ARHGEF4: variants seen among roughly 807,000 people sequenced by gnomAD.
ARHGEF4 encodes the protein APC-stimulated guanine nucleotide exchange factor 1.
A neutral mutation model predicts 162.0 loss-of-function variants in ARHGEF4; 119 were observed. That is an observed-to-expected ratio of 0.73 (90% confidence interval 0.63 to 0.86). The LOEUF is 0.86. Among genes scored for constraint, ARHGEF4 ranks in the 40% least tolerant of loss-of-function variants. The pLI is 0.00. For synonymous variants in ARHGEF4, 1,014 were observed against 979.9 expected, an observed-to-expected ratio of 1.03 and a Z score of -0.65; for missense variants, 2,488 against 2,456.0, an observed-to-expected ratio of 1.01 and a Z score of -0.28.
chr2:130,941,467 G>A (rs1683292430), intron 3 of ARHGEF4, among the ~76,000 whole-genome samples: 1 of 152,078 alleles, frequency 6.6e-6, no homozygotes, highest in African/African-American at 2.4e-5. Context: ...GCCTCCAAAA[G>A]TTCTAGGATT....
intron 4 of ARHGEF4, among the ~76,000 whole-genome samples, chr2:130,999,935 C>T (rs556401055): frequency 5.3e-5 from 8 of 152,336 alleles, no homozygotes; most frequent in Admixed American, 4.6e-4. Context: ...TGGTCTTGAA[C>T]TCTTGACCTC....
chr2:130,952,214 A>C (rs1027817946), intron 4 of ARHGEF4, among the ~76,000 whole-genome samples: 3 of 152,202 alleles, frequency 2.0e-5, no homozygotes, highest in Non-Finnish European at 4.4e-5. Context: ...GTCTACTAGC[A>C]ACAAATTTTC....
At chr2:130,964,391 A>G (rs561714076) in intron 4 of ARHGEF4, 3 of 320,864 alleles carry the variant, frequency 9.3e-6, no homozygotes, top group African/African-American at 7.1e-5. Context: ...CTTCCTTCCC[A>G]TTGCTTCGCC....
At chr2:130,946,792 T>C in intron 4 of ARHGEF4, 157 bp downstream of exon 4, 1 of 1,014,040 alleles carries the variant, frequency 9.9e-7, no homozygotes, top group East Asian at 2.8e-5. Flanking sequence ...TAGGGAGGAG[T>C]GCCTACTACC....
At chr2:131,041,187 G>A (rs778428125) in intron 8 of ARHGEF4, 43 bp from the exon 9 acceptor site, 2 of 1,563,648 alleles carry the variant, frequency 1.3e-6, no homozygotes, top group Admixed American at 3.4e-5. Context: ...ATTGCCTGTG[G>A]GAGCAGCAGA....
intron 1 of ARHGEF4, among the ~76,000 whole-genome samples, chr2:130,850,731 G>A (rs533609591): frequency 7.2e-5 from 11 of 152,242 alleles, no homozygotes; most frequent in Non-Finnish European, 1.6e-4. Flanking sequence ...GCCTCCCTCG[G>A]TAGACAGGGG....
At chr2:130,879,687 T>C (rs1279745524) in intron 1 of ARHGEF4, among the ~76,000 whole-genome samples, 1 of 152,260 alleles carries the variant, frequency 6.6e-6, no homozygotes, top group Non-Finnish European at 1.5e-5. Flanking sequence ...ATGTAGTATT[T>C]GTCTTGCCAC....
intron 8 of ARHGEF4, 55 bp from the exon 9 acceptor site, chr2:131,041,175 G>A: frequency 1.3e-6 from 2 of 1,524,438 alleles, no homozygotes; most frequent in Non-Finnish European, 1.8e-6. Flanking sequence ...ACATGCAGCT[G>A]GATTGCCTGT....
intron 4 of ARHGEF4, among the ~76,000 whole-genome samples, chr2:130,965,101 C>T (rs543821828): frequency 8.5e-5 from 13 of 152,352 alleles, no homozygotes; most frequent in African/African-American, 1.2e-4. Flanking sequence ...ACCCACTATG[C>T]TTCTGCATGG....
At chr2:130,856,898 A>G (rs1364522023) in intron 1 of ARHGEF4, among the ~76,000 whole-genome samples, 1 of 152,230 alleles carries the variant, frequency 6.6e-6, no homozygotes, top group Non-Finnish European at 1.5e-5. Flanking sequence ...ACCCAAATCC[A>G]TAGAAGGAAA....
At chr2:130,877,533 C>A (rs1052548461) in intron 1 of ARHGEF4, among the ~76,000 whole-genome samples, 3 of 152,154 alleles carry the variant, frequency 2.0e-5, no homozygotes, top group Admixed American at 6.5e-5. Flanking sequence ...GCCTCTAGTT[C>A]CAGCTGCTTG....
rs1387787656 is a variant in ARHGEF4 at position 130,916,171 on chromosome 2, G to T, written c.2225G>T (p.Arg742Leu). 2 of 1,548,712 alleles carry T rather than the reference G, an allele frequency of 1.3e-6. No homozygotes were observed. Among genetic ancestry groups the T allele is most frequent in the Non-Finnish European group, 8.7e-7 (1 of 1,146,852 alleles). Residue 742 changes from arginine (R) to leucine (L), a missense_variant, in exon 2 of 14, where the codon CGG becomes CTG. Physicochemically the swap from Arg to Leu is moderately radical, Grantham distance 102 (BLOSUM62 -2). Transcript: ENST00000409359. ...GGAGAGAGACTGCGTGGGGAGAGCC[G>T]GAGCTCCGGGTCAGGGGAGCGTGGC... The part of the protein sequence containing the change: ...PPGERLRGES[R>L]SSGSGERGPE...
chr2:131,001,368 A>G (rs913686062), intron 4 of ARHGEF4, among the ~76,000 whole-genome samples: 4 of 151,990 alleles, frequency 2.6e-5, no homozygotes, highest in African/African-American at 7.3e-5. Flanking sequence ...GACGGATAAC[A>G]TAACACTGGG....
chr2:131,008,200 A>G lies in ARHGEF4; in HGVS notation c.3986-19745A>G, dbSNP rs553890992. Among the ~76,000 whole-genome samples the G allele has an allele frequency of 6.6e-5, 10 of 152,214 alleles. No homozygotes were observed. In the East Asian group the frequency reaches 1.9e-3, roughly 29 times the overall value. On this transcript the variant is annotated intron_variant, in intron 4 of 13. Transcript: ENST00000409359. ...TTTAGTAGTCCCCTAATAATGTTCA[A>G]TTTGTTTGTCTGTAATATTTTTCTA...
chr2:130,873,358 G>T (rs1678613875), intron 1 of ARHGEF4, among the ~76,000 whole-genome samples: 1 of 152,142 alleles, frequency 6.6e-6, no homozygotes, highest in Non-Finnish European at 1.5e-5. Flanking sequence ...GGAGGCCGAG[G>T]CGGGTGGATC....
At chr2:131,044,886 G>A (rs1044460231) in intron 12 of ARHGEF4, among the ~76,000 whole-genome samples, 1 of 152,170 alleles carries the variant, frequency 6.6e-6, no homozygotes, top group Non-Finnish European at 1.5e-5. Context: ...TGGGACCTGC[G>A]GGACCCCTTT....
intron 1 of ARHGEF4, among the ~76,000 whole-genome samples, chr2:130,851,407 TC>T (rs1464937316): frequency 3.9e-5 from 6 of 152,218 alleles, no homozygotes; most frequent in Non-Finnish European, 5.9e-5. Flanking sequence ...GCTCACATCT[TC>T]CCATGAGACA....
intron 3 of ARHGEF4, among the ~76,000 whole-genome samples, chr2:130,939,705 C>T (rs1255774035): frequency 6.6e-6 from 1 of 152,186 alleles, no homozygotes; most frequent in Non-Finnish European, 1.5e-5. Context: ...TATGTTTTGT[C>T]TCCCAACACA....
rs368497531 is a variant in ARHGEF4 at position 130,966,676 on chromosome 2, C to T, written c.3985+20041C>T. ...AGCGAGGACGGGCAGCATGCCGGTC[C>T]GGTGGTGCGTTGGAATAGTCCTGAC... On this transcript the variant is annotated intron_variant, in intron 4 of 13. Coordinates refer to ENST00000409359, the MANE Select transcript of ARHGEF4 (RefSeq NM_001367493.1). 2.6e-5 allele frequency among the ~76,000 whole-genome samples: 4 copies of T among 152,298 alleles called. No individual in the cohort carries two copies. The East Asian group carries it at 5.8e-4, about 22-fold the overall frequency.
Sources: allele counts gnomAD v4.1 joint callset (sites outside exome capture counted in the v4.1 genomes callset), GRCh38; gene constraint gnomAD v4.1.1; transcripts MANE v1.5; gene names NCBI Gene and HGNC (gene_info 2026-07-23, HGNC 2026-07-21).